SH3BGR: variants seen among roughly 807,000 people sequenced by gnomAD.
The protein encoded by SH3BGR is SH3 domain-binding glutamic acid-rich protein.
SH3BGR carries 29 observed loss-of-function variants against 24.5 expected under a neutral mutation model. The ratio of observed to expected loss-of-function variants is 1.18; its 90% confidence interval spans 0.88 to 1.61. The LOEUF (loss-of-function observed/expected upper bound fraction) is 1.61. Among genes scored for constraint, SH3BGR ranks in the 40% most tolerant of loss-of-function variants. The pLI, the probability that SH3BGR is intolerant of heterozygous loss-of-function variation, is 0.00. For missense variants in SH3BGR, 162 were observed against 205.8 expected (o/e 0.79, Z 1.30); for synonymous variants, 55 against 65.7 (o/e 0.84, Z 0.79).
rs2078630450 is a variant in SH3BGR at position 39,509,038 on chromosome 21, C to T, written c.435+11C>T. 2.5e-6 allele frequency: 4 copies of T among 1,603,832 alleles called. No individual in the cohort carries two copies. Among genetic ancestry groups the T allele is most frequent in the Non-Finnish European group, 3.4e-6 (4 of 1,173,500 alleles). ...ACAGCCACAGAAGAGGTACGGTCGA[C>T]CATCTTTAACAGCTGTGCTTAATCT... On this transcript the variant is annotated intron_variant, in intron 5 of 6. Coordinates refer to ENST00000333634, the MANE Select transcript of SH3BGR (RefSeq NM_007341.3).
intron 1 of SH3BGR, among the ~76,000 whole-genome samples, chr21:39,452,421 A>C (rs759929173): frequency 6.6e-6 from 1 of 152,214 alleles, no homozygotes; most frequent in Non-Finnish European, 1.5e-5. Flanking sequence ...TGCCTTGTGA[A>C]TATCATAGAA....
upstream of SH3BGR, among the ~76,000 whole-genome samples, chr21:39,447,534 G>C (rs560748783): frequency 6.7e-6 from 1 of 148,654 alleles, no homozygotes; most frequent in Non-Finnish European, 1.5e-5. Flanking sequence ...TCCTGCATCA[G>C]CCTCCTGAGT....
intron 1 of SH3BGR, among the ~76,000 whole-genome samples, chr21:39,453,749 C>T (rs2077611678): frequency 6.6e-6 from 1 of 152,134 alleles, no homozygotes; most frequent in Admixed American, 6.5e-5. Flanking sequence ...CTTGTTAAGC[C>T]TCAATTTCCT....
intron 2 of SH3BGR, among the ~76,000 whole-genome samples, chr21:39,466,537 T>A (rs148015472): frequency 3.9e-5 from 6 of 152,226 alleles, no homozygotes; most frequent in African/African-American, 1.2e-4. Flanking sequence ...AGGAAAGAGG[T>A]TTAATTGACT....
chr21:39,470,911 G>A (rs2077928598), intron 2 of SH3BGR, among the ~76,000 whole-genome samples: 2 of 151,636 alleles, frequency 1.3e-5, no homozygotes, highest in South Asian at 2.1e-4. Context: ...TCACCTTCAT[G>A]CTTGAAAAAA....
At chr21:39,510,930 T>TATATATATATATATATATATATAC (rs1465096113) in intron 5 of SH3BGR, among the ~76,000 whole-genome samples, 2 of 142,296 alleles carry the variant, frequency 1.4e-5, no homozygotes, top group Non-Finnish European at 3.1e-5. Context: ...TATATATATA[T>TATATATATATATATATATATATAC]ATATATATAT....
intron 3 of SH3BGR, chr21:39,488,705 T>C: frequency 2.2e-6 from 1 of 451,996 alleles, no homozygotes; most frequent in South Asian, 1.8e-5. Flanking sequence ...GGTGGGAAGA[T>C]GACAGAGGCA....
chr21:39,485,216 C>A (rs1287871166), intron 3 of SH3BGR, among the ~76,000 whole-genome samples: 1 of 152,094 alleles, frequency 6.6e-6, no homozygotes, highest in Non-Finnish European at 1.5e-5. Flanking sequence ...GTTACATAAC[C>A]AATGTTTTCA....
Position 39,512,131 on chromosome 21 carries a change from T to G in SH3BGR, c.*34+322T>G, listed in dbSNP as rs531910502. Among the ~76,000 whole-genome samples the G allele has an allele frequency of 2.0e-5, 3 of 152,334 alleles. No individual in the cohort carries two copies. The South Asian group carries it at 6.2e-4, about 32-fold the overall frequency. On this transcript the variant is annotated intron_variant, in intron 6 of 6. Transcript: ENST00000333634. ...TCCTCCTCTTCCTCTATATAAACTTTGTTTGAGAGAAGATACAGCAAGTGT... is the reference window on the plus strand; with the variant it reads ...TCCTCCTCTTCCTCTATATAAACTTGGTTTGAGAGAAGATACAGCAAGTGT...
At chr21:39,506,398 C>T (rs949387502) in intron 4 of SH3BGR, among the ~76,000 whole-genome samples, 7 of 152,258 alleles carry the variant, frequency 4.6e-5, no homozygotes, top group Middle Eastern at 3.4e-3. Context: ...GTACACAGAG[C>T]CAGATGGCCT....
chr21:39,481,410 A>C (rs1277839614), intron 3 of SH3BGR, among the ~76,000 whole-genome samples: 1 of 152,248 alleles, frequency 6.6e-6, no homozygotes, highest in Non-Finnish European at 1.5e-5. Flanking sequence ...TAATAGCATT[A>C]ATAGATGTCA....
intron 2 of SH3BGR, among the ~76,000 whole-genome samples, chr21:39,468,838 A>G (rs532470907): frequency 6.9e-4 from 105 of 152,166 alleles, no homozygotes; most frequent in African/African-American, 2.5e-3. Flanking sequence ...CTTATTCCCA[A>G]ACAAATATAA....
intron 1 of SH3BGR, among the ~76,000 whole-genome samples, chr21:39,455,053 C>G (rs1023160144): frequency 6.6e-6 from 1 of 152,194 alleles, no homozygotes; most frequent in Non-Finnish European, 1.5e-5. Context: ...GTCTCTGGCT[C>G]GAATCCAGTG....
Sources: gnomAD v4.1 joint callset for allele counts (sites outside exome capture counted in the v4.1 genomes callset) on GRCh38, gnomAD v4.1.1 for gene constraint, MANE v1.5 for transcripts, NCBI Gene and HGNC (gene_info 2026-07-23, HGNC 2026-07-21) for gene names.